Variants in PCDH9 observed in about 807,000 individuals in gnomAD.
The protein encoded by PCDH9 is protocadherin 9, also known as protocadherin-9.
In PCDH9, 24 loss-of-function variants were observed where a neutral mutation model predicts 70.6. The ratio of observed to expected loss-of-function variants is 0.34; its 90% CI spans 0.25 to 0.48. PCDH9 has a LOEUF of 0.48. Ranked by LOEUF, PCDH9 falls within the 20% of genes least tolerant of loss-of-function variation. PCDH9 has a pLI of 0.99. For missense variants in PCDH9, 1,281 were observed against 1,503.6 expected (o/e 0.85, Z 2.45); for synonymous variants, 562 against 558.5 (o/e 1.01, Z -0.09).
chr13:66,822,598 C>T (rs990724809), intron 3 of PCDH9, among the ~76,000 whole-genome samples: 3 of 148,120 alleles, frequency 2.0e-5, no homozygotes, highest in Non-Finnish European at 4.4e-5. Flanking sequence ...GCTATCTTGG[C>T]TTACTGCAGC....
chr13:66,459,174 T>C (rs1040613514), intron 4 of PCDH9, among the ~76,000 whole-genome samples: 3 of 151,834 alleles, frequency 2.0e-5, no homozygotes, highest in African/African-American at 4.8e-5. Context: ...ATTAAACTGG[T>C]TGTAAGTTGT....
At chr13:66,384,537 T>C (rs1956897267) in intron 4 of PCDH9, among the ~76,000 whole-genome samples, 1 of 152,160 alleles carries the variant, frequency 6.6e-6, no homozygotes, top group Non-Finnish European at 1.5e-5. Context: ...ATGTGTGGAG[T>C]AAGAGCACCA....
chr13:66,312,607 C>A (rs1399695533), intron 4 of PCDH9, among the ~76,000 whole-genome samples: 1 of 93,000 alleles, frequency 1.1e-5, no homozygotes, highest in African/African-American at 4.4e-5. Context: ...CGAGATCCTG[C>A]CTCAAAAAAA....
intron 2 of PCDH9, among the ~76,000 whole-genome samples, chr13:67,134,483 G>T (rs1466469655): frequency 6.6e-6 from 1 of 152,102 alleles, no homozygotes; most frequent in Non-Finnish European, 1.5e-5. Flanking sequence ...GCAGCATTGA[G>T]ATGACCCTAG....
At chr13:66,320,327 C>G (rs994807052) in intron 4 of PCDH9, among the ~76,000 whole-genome samples, 4 of 152,012 alleles carry the variant, frequency 2.6e-5, no homozygotes, top group African/African-American at 9.7e-5. Context: ...GTGCCTCAGT[C>G]TACCACATTA....
intron 4 of PCDH9, among the ~76,000 whole-genome samples, chr13:66,317,464 T>A (rs901409888): frequency 1.3e-5 from 2 of 152,138 alleles, no homozygotes; most frequent in Admixed American, 1.3e-4. Context: ...TATTTTGGAG[T>A]TAAAGGGACT....
Position 66,320,966 on chromosome 13 carries a change from C to T in PCDH9, c.3341-15938G>A, listed in dbSNP as rs78540645. Among the ~76,000 whole-genome samples the T allele has an allele frequency of 9.9e-3, 1,507 of 151,986 alleles. 49 individuals are homozygous for T. Among genetic ancestry groups the T allele is most frequent in the African/African-American group, 0.034 (1,414 of 41,372 alleles). Reference sequence around the variant, plus strand: ...TTTCTTTTCCTTTCGGAGTGTTTTTCGCTAAATCTAAAGCCTGGCTTCTTG... The same window carrying T: ...TTTCTTTTCCTTTCGGAGTGTTTTTTGCTAAATCTAAAGCCTGGCTTCTTG... On this transcript the variant is annotated intron_variant, in intron 4 of 4. Transcript: ENST00000377865.
At chr13:66,367,416 C>T (rs545316105) in intron 4 of PCDH9, among the ~76,000 whole-genome samples, 11 of 152,194 alleles carry the variant, frequency 7.2e-5, no homozygotes, top group African/African-American at 1.9e-4. Flanking sequence ...ATGCACATTT[C>T]CTTGTCAACC....
At chr13:66,531,101 A>G (rs2138632650) in intron 4 of PCDH9, among the ~76,000 whole-genome samples, 1 of 83,840 alleles carries the variant, frequency 1.2e-5, no homozygotes, top group Middle Eastern at 5.0e-3. Context: ...GAGGTAAAAA[A>G]AAAATCCATT....
intron 2 of PCDH9, among the ~76,000 whole-genome samples, chr13:66,977,700 G>A (rs2083649764): frequency 6.6e-6 from 1 of 152,058 alleles, no homozygotes; most frequent in African/African-American, 2.4e-5. Flanking sequence ...CAGCTTGAAT[G>A]GTAACTGAGC....
intron 4 of PCDH9, among the ~76,000 whole-genome samples, chr13:66,584,969 A>C (rs1407942417): frequency 6.6e-6 from 1 of 152,166 alleles, no homozygotes; most frequent in African/African-American, 2.4e-5. Context: ...CGGTCATCCC[A>C]GTTACAGAAA....
At chr13:66,607,045 C>A (rs369397974) in intron 4 of PCDH9, among the ~76,000 whole-genome samples, 26 of 152,010 alleles carry the variant, frequency 1.7e-4, no homozygotes, top group Non-Finnish European at 3.2e-4. Flanking sequence ...AATTGACTGG[C>A]TTTCAGAGGT....
At chr13:66,344,313 A>G (rs1396064243) in intron 4 of PCDH9, among the ~76,000 whole-genome samples, 1 of 152,014 alleles carries the variant, frequency 6.6e-6, no homozygotes, top group Non-Finnish European at 1.5e-5. Context: ...TTTAGTAGAG[A>G]TGGGGTTTCA....
chr13:66,533,369 T>A (rs192253852), intron 4 of PCDH9, among the ~76,000 whole-genome samples: 26 of 148,244 alleles, frequency 1.8e-4, no homozygotes, highest in African/African-American at 6.1e-4. Flanking sequence ...CCCCTTTCTA[T>A]ATCTCATGGT....
At chr13:66,313,682 G>A (rs562793327) in intron 4 of PCDH9, among the ~76,000 whole-genome samples, 29 of 152,274 alleles carry the variant, frequency 1.9e-4, no homozygotes, top group African/African-American at 2.4e-5. Context: ...AAAAACTGAT[G>A]ACGTTCATTT....
chr13:67,116,091 A>G (rs1040328315), intron 2 of PCDH9, among the ~76,000 whole-genome samples: 4 of 152,180 alleles, frequency 2.6e-5, no homozygotes, highest in Admixed American at 6.5e-5. Flanking sequence ...TTTAAAATCA[A>G]TATGTCTTTG....
chr13:66,580,442 TA>T (rs1050592180), intron 4 of PCDH9, among the ~76,000 whole-genome samples: 3 of 151,958 alleles, frequency 2.0e-5, no homozygotes, highest in African/African-American at 7.2e-5. Flanking sequence ...GTTATCAGCA[TA>T]AATGCATGTG....
rs368623953 is a variant in PCDH9 at position 66,549,436 on chromosome 13, T to C, written c.3340+81774A>G. Among the ~76,000 whole-genome samples, 19 of 152,284 alleles carry C rather than the reference T, an allele frequency of 1.2e-4. No homozygotes were observed. The East Asian group carries it at 1.5e-3, about 12-fold the overall frequency. Reference sequence around the variant, plus strand: ...CATCAGTGTCTTACATGTACTGTATTACATTCCATACCCTCATTTAATTCT... The same window carrying C: ...CATCAGTGTCTTACATGTACTGTATCACATTCCATACCCTCATTTAATTCT... On this transcript the variant is annotated intron_variant, in intron 4 of 4. Coordinates refer to ENST00000377865, the MANE Select transcript of PCDH9 (RefSeq NM_203487.3).
chr13:67,151,192 T>TA (rs2087650687), intron 2 of PCDH9, among the ~76,000 whole-genome samples: 1 of 151,262 alleles, frequency 6.6e-6, no homozygotes, highest in African/African-American at 2.4e-5. Flanking sequence ...AGCTCCTTTT[T>TA]TAAAAAAAAA....
Sources: allele counts gnomAD v4.1 joint callset (sites outside exome capture counted in the v4.1 genomes callset), GRCh38; gene constraint gnomAD v4.1.1; transcripts MANE v1.5; gene names NCBI Gene and HGNC (gene_info 2026-07-23, HGNC 2026-07-21).